Variants in NEFL observed in about 807,000 individuals in gnomAD.
NEFL encodes the protein neurofilament light polypeptide.
A neutral mutation model predicts 51.6 loss-of-function variants in NEFL; 36 were observed. The observed-to-expected ratio is 0.70, with a 90% CI of 0.53 to 0.92. The LOEUF is 0.92. Among genes scored for constraint, NEFL ranks in the 40% least tolerant of loss-of-function variants. NEFL has a pLI of 0.00. For synonymous variants in NEFL, 332 were observed against 302.5 expected, an observed-to-expected ratio of 1.10 and a Z score of -1.01; for missense variants, 671 against 722.0, an observed-to-expected ratio of 0.93 and a Z score of 0.81.
Position 24,955,607 on chromosome 8 carries a change from G to A in NEFL, c.909C>T (p.Asp303=), listed in dbSNP as rs777549897. Residue 303 remains aspartate, a synonymous_variant, in exon 1 of 4, where the codon GAC becomes GAT. Transcript: ENST00000610854. This position sits in a 1 kb window ranked among gnomAD's most constrained non-coding sequence, Gnocchi z 4.0. ...KNTDAVRAAK[D]EVSESRRLLK... ...GCAGACGACGGCTCTCGGACACCTC[G>A]TCCTTGGCGGCGCGCACGGCGTCGG... The A allele has an allele frequency of 6.2e-6, 10 of 1,613,696 alleles. No individual in the cohort carries two copies. The East Asian group carries it at 1.8e-4, about 29-fold the overall frequency.
chr8:24,954,354 C>G, intron 1 of NEFL, 49 bp from the exon 2 acceptor site: 1 of 1,600,732 alleles, frequency 6.2e-7, no homozygotes, highest in Non-Finnish European at 8.5e-7. Flanking sequence ...GCATAAATCC[C>G]TTCTATTATT....
rs1321286875 is a variant in NEFL at position 24,956,297 on chromosome 8, C to T, written c.219G>A (p.Leu73=). The change falls in exon 1 of 4, where the codon CTG becomes CTA. Residue 73 remains leucine (L), a synonymous_variant. Transcript: ENST00000610854. This position sits in a 1 kb window ranked among gnomAD's most constrained non-coding sequence, Gnocchi z 5.9. The part of the protein sequence containing the change: ...SLMPSLENLD[L]SQVAAISNDL... Reference sequence around the variant, plus strand: ...CGTTGCTGATGGCGGCTACCTGGCTCAGGTCGAGGTTCTCCAGACTGGGCA... The same window carrying T: ...CGTTGCTGATGGCGGCTACCTGGCTTAGGTCGAGGTTCTCCAGACTGGGCA... 3.1e-6 allele frequency: 5 copies of T among 1,610,822 alleles called. No homozygotes were observed. In the Admixed American group the frequency reaches 8.4e-5, roughly 27 times the overall value.
At position 24,951,881 on chromosome 8, in the gene NEFL, TA is replaced by T. The variant is rs1802973946; in HGVS notation, c.*928del. 1 of 152,546 alleles carries T rather than the reference TA, an allele frequency of 6.6e-6. No individual in the cohort carries two copies. The highest frequency in any genetic ancestry group is 1.5e-5 in the Non-Finnish European group (1 of 68,034). 9.4% of individuals were successfully genotyped at this position (152,546 alleles called of 1,614,324 possible). ...GGTTTTAACCTCCTCCCATGATATT[TA>T]GACTATATTTTAAAATGCAGTTATA... On this transcript the variant is annotated 3_prime_UTR_variant, in exon 4 of 4. Transcript: ENST00000610854.
rs1802973103 is a variant in NEFL at position 24,951,828 on chromosome 8, T to C, written c.*982A>G. On this transcript the variant is annotated 3_prime_UTR_variant, in exon 4 of 4. Coordinates refer to ENST00000610854, the MANE Select transcript of NEFL (RefSeq NM_006158.5). ...CTGAAATTATATATAGATAAAAAAT[T>C]ATTCCTTCTTATTGTACCATGTTCT... The C allele has an allele frequency of 6.6e-6, 1 of 152,600 alleles. No individual in the cohort carries two copies. The highest frequency in any genetic ancestry group is 6.5e-5 in the Admixed American group (1 of 15,268). 9.5% of individuals were successfully genotyped at this position (152,600 alleles called of 1,614,324 possible).
In NEFL at chr8:24,953,459, GT is replaced by G; in HGVS notation, c.1489+16del. The G allele has an allele frequency of 1.3e-6, 2 of 1,551,262 alleles. No individual in the cohort carries two copies. Among genetic ancestry groups the G allele is most frequent in the Non-Finnish European group, 8.7e-7 (1 of 1,148,468 alleles). On this transcript the variant is annotated intron_variant, in intron 3 of 3. Transcript: ENST00000610854. ...CCAGTTTACACTTGAAGTTGCAGGG[GT>G]TTTTTCTTATCATACCTTCTTCCTC... is the stretch of plus-strand genomic sequence containing the variant.
Position 24,953,487 on chromosome 8 carries a change from T to A in NEFL, c.1478A>T (p.Glu493Val). Residue 493 changes from glutamate to valine, a missense_variant, in exon 3 of 4, where the codon GAA becomes GTA. Coordinates refer to ENST00000610854, the MANE Select transcript of NEFL (RefSeq NM_006158.5). ...KEEAEEEEAA[E>V]EEEAAKEESE... ...TTTTCTTATCATACCTTCTTCCTCT[T>A]CAGCTGCCTCCTCTTCCTCGGCCTC... 1 of 1,579,138 alleles carries A rather than the reference T, an allele frequency of 6.3e-7. No homozygotes were observed.
In NEFL at chr8:24,955,976, C is replaced by G. The variant is rs1797704362; in HGVS notation, c.540G>C (p.Glu180Asp). 1 of 1,603,228 alleles carries G rather than the reference C, an allele frequency of 6.2e-7. No individual in the cohort carries two copies. Among genetic ancestry groups the G allele is most frequent in the Non-Finnish European group, 8.5e-7 (1 of 1,179,138 alleles). The change falls in exon 1 of 4, where the codon GAG (glutamate) becomes GAC (aspartate). Residue 180 changes from glutamate (E) to aspartate (D), a missense_variant. Transcript: ENST00000610854. This position sits in a 1 kb window ranked among gnomAD's most constrained non-coding sequence, Gnocchi z 4.0. The part of the protein sequence containing the change: ...TLRNLQARYE[E>D]EVLSREDAEG... ...CGGCGTCCTCGCGGCTCAGCACCTCCTCTTCATAGCGCGCCTGCAGGTTGC... is the reference window on the plus strand; with the variant it reads ...CGGCGTCCTCGCGGCTCAGCACCTCGTCTTCATAGCGCGCCTGCAGGTTGC...
Position 24,955,640 on chromosome 8 carries a change from G to A in NEFL, c.876C>T (p.Ala292=), listed in dbSNP as rs2117254402. The A allele has an allele frequency of 6.2e-7, 1 of 1,613,920 alleles. No individual in the cohort carries two copies. The highest frequency in any genetic ancestry group is 8.5e-7 in the Non-Finnish European group (1 of 1,179,896). ...CGGCGCGCACGGCGTCGGTGTTCTT[G>A]GCGGCGCTCTCGGTCAGCACGGTGA... is the stretch of plus-strand genomic sequence containing the variant. ...SRFTVLTESA[A]KNTDAVRAAK... is the part of the protein sequence containing the mutation. The change falls in exon 1 of 4, where the codon GCC becomes GCT. Residue 292 remains alanine (A), a synonymous_variant. Transcript: ENST00000610854. The surrounding 1 kb of genome is among the most constrained non-coding windows in gnomAD (Gnocchi z 4.0).
Position 24,955,419 on chromosome 8 carries a change from C to A in NEFL, c.1044+53G>T. The A allele has an allele frequency of 2.2e-6, 3 of 1,395,296 alleles. No homozygotes were observed. Among genetic ancestry groups the A allele is most frequent in the Non-Finnish European group, 2.9e-6 (3 of 1,027,512 alleles). 86.4% of individuals were successfully genotyped at this position (1,395,296 alleles called of 1,614,324 possible). ...GGTCTCCACTTTCTGGGCGCACCAA[C>A]TCCCCCCCTTGCTCGAGTCCCCCGC... On this transcript the variant is annotated intron_variant, in intron 1 of 3. Coordinates refer to ENST00000610854, the MANE Select transcript of NEFL (RefSeq NM_006158.5). The surrounding 1 kb of genome is among the most constrained non-coding windows in gnomAD (Gnocchi z 4.0).
rs1331452059 is a variant in NEFL at position 24,954,260 on chromosome 8, C to T, written c.1090G>A (p.Glu364Lys). Residue 364 changes from glutamate (E) to lysine (K), a missense_variant, in exon 2 of 4, where the codon GAA (glutamate) becomes AAA (lysine). Physicochemically the swap from Glu to Lys is moderately conservative, Grantham distance 56. Transcript: ENST00000610854. ...TATTCTTTTAGGTATCGTGCCATTT[C>T]ACTCTTTGTGGTCCTCAATTCATTT... ...LENELRTTKS[E>K]MARYLKEYQD... The T allele has an allele frequency of 6.2e-7, 1 of 1,613,836 alleles. No homozygotes were observed. The highest frequency in any genetic ancestry group is 1.1e-5 in the South Asian group (1 of 91,084).
rs1045930090 is a variant in NEFL at position 24,956,559 on chromosome 8, C to T, written c.-44G>A. The T allele has an allele frequency of 1.7e-5, 26 of 1,538,464 alleles. No individual in the cohort carries two copies. The highest frequency in any genetic ancestry group is 2.2e-5 in the Non-Finnish European group (25 of 1,134,322). ...CCCGGCCCGCGGCGGCGGTGGGAGC[C>T]CGGAGAGAGAGGACAGGGGAGAGAG... is the stretch of plus-strand genomic sequence containing the variant. On this transcript the variant is annotated 5_prime_UTR_variant, in exon 1 of 4. Transcript: ENST00000610854. This position sits in a 1 kb window ranked among gnomAD's most constrained non-coding sequence, Gnocchi z 5.9.
chr8:24,953,929 G>A (rs1260242269), intron 2 of NEFL, 134 bp from the exon 3 acceptor site: 3 of 1,303,346 alleles, frequency 2.3e-6, no homozygotes, highest in African/African-American at 1.5e-5. Context: ...TCTTTTGATG[G>A]AGACCAGAAA....
In NEFL at chr8:24,952,764, C is replaced by A; in HGVS notation, c.*46G>T. The A allele has an allele frequency of 3.7e-6, 6 of 1,613,496 alleles. No individual in the cohort carries two copies. Among genetic ancestry groups the A allele is most frequent in the South Asian group, 1.1e-5 (1 of 91,008 alleles). On this transcript the variant is annotated 3_prime_UTR_variant, in exon 4 of 4. Coordinates refer to ENST00000610854, the MANE Select transcript of NEFL (RefSeq NM_006158.5). ...TTGGTTGGTTGGTGATGGGGTTGAC[C>A]TGATTTCGGGAGAATTATTCCTGAA...
In NEFL at chr8:24,952,824, T is replaced by C. The variant is rs1157404996; in HGVS notation, c.1618A>G (p.Lys540Glu). 1 of 1,613,920 alleles carries C rather than the reference T, an allele frequency of 6.2e-7. No homozygotes were observed. Among genetic ancestry groups the C allele is most frequent in the Non-Finnish European group, 8.5e-7 (1 of 1,179,814 alleles). ...VEGAGEEQAAKKKD is the reference protein window; with the variant it reads ...VEGAGEEQAAEKKD ...GAAATGGGGGTTCAATCTTTCTTCT[T>C]AGCTGCTTGTTCCTCCCCAGCACCT... Residue 540 changes from lysine (K) to glutamate (E), a missense_variant, in exon 4 of 4, where the codon AAG (lysine) becomes GAG (glutamate). Coordinates refer to ENST00000610854, the MANE Select transcript of NEFL (RefSeq NM_006158.5).
At position 24,955,826 on chromosome 8, in the gene NEFL, C is replaced by A; in HGVS notation, c.690G>T (p.Glu230Asp). 1 of 1,611,674 alleles carries A rather than the reference C, an allele frequency of 6.2e-7. No individual in the cohort carries two copies. The highest frequency in any genetic ancestry group is 8.5e-7 in the Non-Finnish European group (1 of 1,179,868). Residue 230 changes from glutamate (E) to aspartate (D), a missense_variant, in exon 1 of 4, where the codon GAG (glutamate) becomes GAT (aspartate). By Grantham distance (45) the Glu-to-Asp change is conservative (BLOSUM62 2). Transcript: ENST00000610854. The surrounding 1 kb of genome is among the most constrained non-coding windows in gnomAD (Gnocchi z 4.0). ...ISFLKKVHEE[E>D]IAELQAQIQY... is the part of the protein sequence containing the mutation. ...GGATCTGCGCCTGCAGTTCGGCGATCTCCTCTTCGTGCACTTTCTTCAGAA... is the reference window on the plus strand; with the variant it reads ...GGATCTGCGCCTGCAGTTCGGCGATATCCTCTTCGTGCACTTTCTTCAGAA...
In NEFL at chr8:24,955,810, C is replaced by G; in HGVS notation, c.706G>C (p.Ala236Pro). 1 of 1,612,338 alleles carries G rather than the reference C, an allele frequency of 6.2e-7. No individual in the cohort carries two copies. The highest frequency in any genetic ancestry group is 8.5e-7 in the Non-Finnish European group (1 of 1,179,860). The change falls in exon 1 of 4, where the codon GCG becomes CCG. Residue 236 changes from alanine (A) to proline (P), a missense_variant. Transcript: ENST00000610854. This position sits in a 1 kb window ranked among gnomAD's most constrained non-coding sequence, Gnocchi z 4.0. The stretch of plus-strand genomic sequence containing the variant: ...GAGATCTGCGCGTACTGGATCTGCG[C>G]CTGCAGTTCGGCGATCTCCTCTTCG... ...VHEEEIAELQ[A>P]QIQYAQISVE... is the part of the protein sequence containing the mutation.
Position 24,953,637 on chromosome 8 carries a change from T to C in NEFL, c.1328A>G (p.Tyr443Cys). Residue 443 changes from tyrosine (Y) to cysteine (C), a missense_variant, in exon 3 of 4, where the codon TAC becomes TGC. Physicochemically the swap from Tyr to Cys is radical, Grantham distance 194 (BLOSUM62 -2). Coordinates refer to ENST00000610854, the MANE Select transcript of NEFL (RefSeq NM_006158.5). Reference protein sequence around the residue: ...LMSTRSFPSYYTSHVQEEQIE... With the variant: ...LMSTRSFPSYCTSHVQEEQIE... ...CTGCTCCTCTTGGACATGGCTGGTG[T>C]AGTAGGACGGGAAGGAGCGGGTGGA... 6.2e-7 allele frequency: 1 copy of C among 1,613,704 alleles called. No individual in the cohort carries two copies. The highest frequency in any genetic ancestry group is 8.5e-7 in the Non-Finnish European group (1 of 1,179,862).
In NEFL at chr8:24,955,184, G is replaced by T; in HGVS notation, c.1044+288C>A. On this transcript the variant is annotated intron_variant, in intron 1 of 3. Coordinates refer to ENST00000610854, the MANE Select transcript of NEFL (RefSeq NM_006158.5). The surrounding 1 kb of genome is among the most constrained non-coding windows in gnomAD (Gnocchi z 4.0). ...TAGAGAGCTGATCTCACTGCAGGCCGGAGGCAACGCCCAATTCCCACGTCT... is the reference window on the plus strand; with the variant it reads ...TAGAGAGCTGATCTCACTGCAGGCCTGAGGCAACGCCCAATTCCCACGTCT... 1 of 504,066 alleles carries T rather than the reference G, an allele frequency of 2.0e-6. No homozygotes were observed. The highest frequency in any genetic ancestry group is 5.1e-4 in the Middle Eastern group (1 of 1,942). 31.2% of individuals were successfully genotyped at this position (504,066 alleles called of 1,614,324 possible).
At position 24,955,273 on chromosome 8, in the gene NEFL, A is replaced by C; in HGVS notation, c.1044+199T>G. The C allele has an allele frequency of 3.6e-6, 2 of 562,856 alleles. No homozygotes were observed. Among genetic ancestry groups the C allele is most frequent in the African/African-American group, 1.9e-5 (1 of 52,664 alleles). The allele number at this position is 562,856 out of a possible 1,614,324, so 34.9% of individuals were successfully genotyped here. On this transcript the variant is annotated intron_variant, in intron 1 of 3. Coordinates refer to ENST00000610854, the MANE Select transcript of NEFL (RefSeq NM_006158.5). This position sits in a 1 kb window ranked among gnomAD's most constrained non-coding sequence, Gnocchi z 4.0. ...GCGGAACGCCGGTGCAGCAGCACGG[A>C]GCACACTCCCAGACTACAGTGGCGC...
Sources: allele counts gnomAD v4.1 joint callset, GRCh38; gene constraint gnomAD v4.1.1; non-coding constraint Gnocchi (gnomAD v3.1); transcripts MANE v1.5; gene names NCBI Gene and HGNC (gene_info 2026-07-23, HGNC 2026-07-21).